Variants in SAMSN1 observed in about 807,000 individuals in gnomAD.
SAMSN1 encodes the protein SAM domain, SH3 domain and nuclear localization signals 1.
A neutral mutation model predicts 42.0 loss-of-function variants in SAMSN1; 31 were observed. The observed-to-expected ratio is 0.74, with a 90% CI of 0.55 to 1.00. The LOEUF (loss-of-function observed/expected upper bound fraction) is 1.00. SAMSN1 is among the 50% of genes least tolerant of loss of function. The pLI is 0.00. For missense variants in SAMSN1, 464 were observed against 439.4 expected (o/e 1.06, Z -0.50); for synonymous variants, 178 against 151.9 (o/e 1.17, Z -1.26).
At chr21:14,508,273 C>T (rs1416224400) in intron 5 of SAMSN1, among the ~76,000 whole-genome samples, 1 of 152,080 alleles carries the variant, frequency 6.6e-6, no homozygotes, top group Admixed American at 6.5e-5. Flanking sequence ...AACAGACAAC[C>T]CACAGGGTGG....
chr21:14,547,817 A>G (rs1385216064), upstream of SAMSN1, among the ~76,000 whole-genome samples: 1 of 152,190 alleles, frequency 6.6e-6, no homozygotes, highest in Non-Finnish European at 1.5e-5. Flanking sequence ...CTAGCTAAAA[A>G]CAACCTGTTT....
chr21:14,626,448 C>T (rs140675079), intron 2 of SAMSN1, among the ~76,000 whole-genome samples: 25 of 152,148 alleles, frequency 1.6e-4, no homozygotes, highest in Non-Finnish European at 5.9e-5. Flanking sequence ...AAACAAACAA[C>T]CCCATCAAAA....
intron 5 of SAMSN1, among the ~76,000 whole-genome samples, chr21:14,502,055 T>C (rs576082261): frequency 3.9e-5 from 6 of 152,338 alleles, no homozygotes; most frequent in Non-Finnish European, 8.8e-5. Flanking sequence ...CAGATTCTAA[T>C]ATTTTTGCCC....
At chr21:14,574,030 T>A (rs190877541) in intron 2 of SAMSN1, among the ~76,000 whole-genome samples, 2 of 152,334 alleles carry the variant, frequency 1.3e-5, no homozygotes, top group Admixed American at 1.3e-4. Flanking sequence ...GCTCATTATA[T>A]GTTCTAATGA....
At chr21:14,551,348 C>T (rs1980589660) in intron 2 of SAMSN1, among the ~76,000 whole-genome samples, 2 of 152,014 alleles carry the variant, frequency 1.3e-5, no homozygotes, top group Non-Finnish European at 2.9e-5. Flanking sequence ...AAGAATCATA[C>T]AGGATAAAAC....
intron 2 of SAMSN1, among the ~76,000 whole-genome samples, chr21:14,636,111 GA>G (rs1983461713): frequency 6.6e-6 from 1 of 151,994 alleles, no homozygotes; most frequent in Non-Finnish European, 1.5e-5. Flanking sequence ...CTATTGCTCA[GA>G]AAACTTAGGG....
At chr21:14,624,318 A>G (rs1189268296) in intron 2 of SAMSN1, among the ~76,000 whole-genome samples, 1 of 152,224 alleles carries the variant, frequency 6.6e-6, no homozygotes, top group Admixed American at 6.5e-5. Flanking sequence ...AAACCCTTCA[A>G]AAAATCAATG....
intron 5 of SAMSN1, among the ~76,000 whole-genome samples, chr21:14,507,375 A>G (rs755198281): frequency 3.3e-5 from 5 of 152,238 alleles, no homozygotes; most frequent in Non-Finnish European, 7.4e-5. Flanking sequence ...TACACAAATC[A>G]GTAGCTCTTT....
At chr21:14,555,723 C>T (rs1348480344) in intron 2 of SAMSN1, among the ~76,000 whole-genome samples, 1 of 152,040 alleles carries the variant, frequency 6.6e-6, no homozygotes, top group Non-Finnish European at 1.5e-5. Context: ...ATAAAACAGT[C>T]GAAGCTCAAG....
intron 1 of SAMSN1, among the ~76,000 whole-genome samples, chr21:14,527,291 G>A (rs2822748): frequency 0.21 from 31,632 of 152,026 alleles, 4,181 homozygotes; most frequent in Non-Finnish European, 0.29. Flanking sequence ...TAACTAACTC[G>A]GGTACTCAGA....
intron 1 of SAMSN1, among the ~76,000 whole-genome samples, chr21:14,524,815 A>G (rs1422515832): frequency 6.6e-6 from 1 of 152,202 alleles, no homozygotes; most frequent in Non-Finnish European, 1.5e-5. Flanking sequence ...AATAACCTCT[A>G]GCATACAGTG....
chr21:14,555,262 T>C (rs1980727760), intron 2 of SAMSN1, among the ~76,000 whole-genome samples: 1 of 152,184 alleles, frequency 6.6e-6, no homozygotes, highest in Admixed American at 6.5e-5. Context: ...TCCAAAACAT[T>C]AGTTGACATC....
chr21:14,644,760 T>C (rs1307895201), intron 1 of SAMSN1, among the ~76,000 whole-genome samples: 1 of 152,110 alleles, frequency 6.6e-6, no homozygotes, highest in Non-Finnish European at 1.5e-5. Context: ...ATGGCATTTC[T>C]GGACATGCCC....
At chr21:14,572,832 C>T (rs1849093708) in intron 2 of SAMSN1, among the ~76,000 whole-genome samples, 1 of 152,126 alleles carries the variant, frequency 6.6e-6, no homozygotes, top group Non-Finnish European at 1.5e-5. Context: ...CTAGCCTAGT[C>T]TCAAAAATTA....
intron 4 of SAMSN1, among the ~76,000 whole-genome samples, chr21:14,511,468 G>A (rs1257101987): frequency 6.6e-6 from 1 of 152,070 alleles, no homozygotes; most frequent in Non-Finnish European, 1.5e-5. Flanking sequence ...TTTCATACAT[G>A]CAAAAAACAT....
At chr21:14,648,970 C>A (rs1023200632) in intron 1 of SAMSN1, among the ~76,000 whole-genome samples, 2 of 151,428 alleles carry the variant, frequency 1.3e-5, no homozygotes, top group Non-Finnish European at 2.9e-5. Context: ...CACATGCACA[C>A]GTATGTTTAT....
chr21:14,612,404 A>T, intron 4 of SAMSN1: 1 of 215,948 alleles, frequency 4.6e-6, no homozygotes. Context: ...TAAGGTACAA[A>T]CCAAACTGAT....
chr21:14,652,547 G>T (rs894224936), intron 1 of SAMSN1, among the ~76,000 whole-genome samples: 1 of 151,972 alleles, frequency 6.6e-6, no homozygotes, highest in African/African-American at 2.4e-5. Flanking sequence ...AATCAAAATG[G>T]ATTCAAGACT....
At chr21:14,620,543 T>C (rs891630572) in intron 2 of SAMSN1, among the ~76,000 whole-genome samples, 4 of 152,224 alleles carry the variant, frequency 2.6e-5, no homozygotes, top group African/African-American at 4.8e-5. Context: ...GTGAACATGA[T>C]CTAATACATT....
Sources: allele counts gnomAD v4.1 joint callset (sites outside exome capture counted in the v4.1 genomes callset), GRCh38; gene constraint gnomAD v4.1.1; transcripts MANE v1.5; gene names NCBI Gene and HGNC (gene_info 2026-07-23, HGNC 2026-07-21).